KCNH7: variants seen among roughly 807,000 people sequenced by gnomAD.
KCNH7 encodes the protein voltage-gated inwardly rectifying potassium channel KCNH7.
In KCNH7, 49 loss-of-function variants were observed where a neutral mutation model predicts 120.8. The ratio of observed to expected loss-of-function variants is 0.41; its 90% CI spans 0.32 to 0.51. The LOEUF (loss-of-function observed/expected upper bound fraction) is 0.51. Ranked by LOEUF, KCNH7 falls within the 20% of genes least tolerant of loss-of-function variation. KCNH7 has a pLI of 0.38. For missense variants in KCNH7, 1,097 were observed against 1,446.6 expected (o/e 0.76, Z 3.92); for synonymous variants, 547 against 516.1 (o/e 1.06, Z -0.81).
intron 2 of KCNH7, among the ~76,000 whole-genome samples, chr2:162,765,168 G>A (rs1002381510): frequency 6.6e-6 from 1 of 151,898 alleles, no homozygotes; most frequent in Non-Finnish European, 1.5e-5. Flanking sequence ...GGAACAAGGT[G>A]GAAGAAAAAG....
chr2:162,616,643 T>C (rs995985526), intron 2 of KCNH7, among the ~76,000 whole-genome samples: 2 of 152,158 alleles, frequency 1.3e-5, no homozygotes, highest in African/African-American at 4.8e-5. Flanking sequence ...CCTAAACTTC[T>C]TTACACCACG....
chr2:162,837,887 C>T (rs1020750874), intron 1 of KCNH7, among the ~76,000 whole-genome samples: 2 of 152,134 alleles, frequency 1.3e-5, no homozygotes, highest in Non-Finnish European at 2.9e-5. Flanking sequence ...AGATGAGATA[C>T]TGCTTTTCCA....
intron 2 of KCNH7, among the ~76,000 whole-genome samples, chr2:162,620,353 C>T (rs10172470): frequency 0.64 from 96,832 of 151,582 alleles, 32,480 homozygotes; most frequent in African/African-American, 0.84. Flanking sequence ...GTCATCTTGG[C>T]CCAGAAATTG....
At chr2:162,804,538 C>T (rs1318206116) in intron 2 of KCNH7, among the ~76,000 whole-genome samples, 1 of 151,504 alleles carries the variant, frequency 6.6e-6, no homozygotes, top group Admixed American at 6.6e-5. Flanking sequence ...TGTATTTAAC[C>T]AAAGAGATGA....
intron 2 of KCNH7, among the ~76,000 whole-genome samples, chr2:162,678,761 T>A (rs776162807): frequency 1.3e-4 from 20 of 151,536 alleles, no homozygotes; most frequent in Non-Finnish European, 2.5e-4. Flanking sequence ...AGGAACTCTT[T>A]CAAAATTCTT....
At chr2:162,741,646 A>G (rs1053966692) in intron 2 of KCNH7, among the ~76,000 whole-genome samples, 2 of 152,088 alleles carry the variant, frequency 1.3e-5, no homozygotes, top group Admixed American at 1.3e-4. Flanking sequence ...AGCTTTTATA[A>G]TGTTTAATAT....
intron 2 of KCNH7, among the ~76,000 whole-genome samples, chr2:162,754,818 T>A (rs377568009): frequency 2.0e-5 from 3 of 152,308 alleles, no homozygotes; most frequent in African/African-American, 7.2e-5. Flanking sequence ...TATTTAGGAC[T>A]TAGCAAACTT....
chr2:162,717,372 T>C (rs1056704033), intron 2 of KCNH7, among the ~76,000 whole-genome samples: 1 of 152,110 alleles, frequency 6.6e-6, no homozygotes, highest in Non-Finnish European at 1.5e-5. Flanking sequence ...AAAGCTAGCA[T>C]GTAGATCCAA....
chr2:162,745,833 A>T (rs1250930883), intron 2 of KCNH7, among the ~76,000 whole-genome samples: 2 of 152,080 alleles, frequency 1.3e-5, no homozygotes, highest in Admixed American at 6.5e-5. Context: ...CTTTAAAAAA[A>T]ATCTTTCTGC....
At chr2:162,635,762 A>G (rs568488189) in intron 2 of KCNH7, among the ~76,000 whole-genome samples, 1 of 152,090 alleles carries the variant, frequency 6.6e-6, no homozygotes, top group Non-Finnish European at 1.5e-5. Context: ...GCGAGAGTGC[A>G]GTTCTTTGCT....
chr2:162,570,404 T>C (rs1693425901), intron 2 of KCNH7, among the ~76,000 whole-genome samples: 1 of 152,038 alleles, frequency 6.6e-6, no homozygotes, highest in African/African-American at 2.4e-5. Context: ...TCCATCCTTT[T>C]ATTTTGAGCC....
At chr2:162,454,450 A>G (rs1453917608) in intron 6 of KCNH7, among the ~76,000 whole-genome samples, 5 of 152,132 alleles carry the variant, frequency 3.3e-5, no homozygotes, top group Admixed American at 2.0e-4. Context: ...TTTTGATTCC[A>G]TATGAAATTT....
At chr2:162,474,659 C>T (rs927617995) in intron 6 of KCNH7, among the ~76,000 whole-genome samples, 5 of 152,248 alleles carry the variant, frequency 3.3e-5, no homozygotes, top group Non-Finnish European at 7.3e-5. Context: ...TGTGCACTCT[C>T]ATACTCTCTC....
chr2:162,647,479 T>TC (rs943230276), intron 2 of KCNH7, among the ~76,000 whole-genome samples: 3 of 152,162 alleles, frequency 2.0e-5, no homozygotes, highest in Non-Finnish European at 4.4e-5. Flanking sequence ...GTTGGCTGTG[T>TC]CCCCAACCAA....
chr2:162,550,485 G>A (rs1692632021), intron 2 of KCNH7, among the ~76,000 whole-genome samples: 1 of 152,084 alleles, frequency 6.6e-6, no homozygotes, highest in African/African-American at 2.4e-5. Flanking sequence ...TGCAGTGGTT[G>A]GTTTCATCTT....
At chr2:162,812,266 A>G (rs1375734685) in intron 2 of KCNH7, among the ~76,000 whole-genome samples, 2 of 152,140 alleles carry the variant, frequency 1.3e-5, no homozygotes, top group African/African-American at 4.8e-5. Flanking sequence ...AAAGTGACAC[A>G]GTGAAAAAAC....
intron 2 of KCNH7, among the ~76,000 whole-genome samples, chr2:162,683,942 A>AGT: frequency 6.6e-6 from 1 of 152,078 alleles, no homozygotes; most frequent in African/African-American, 2.4e-5. Flanking sequence ...CTGACTTCTA[A>AGT]CTATAGTACT....
rs1009550732 is a variant in KCNH7 at position 162,735,894 on chromosome 2, C to T, written c.307+100643G>A. 1.8e-4 allele frequency among the ~76,000 whole-genome samples: 27 copies of T among 152,288 alleles called. 1 individual carries two copies. Among genetic ancestry groups the T allele is most frequent in the African/African-American group, 6.3e-4 (26 of 41,556 alleles). ...GTGACAATTTTACACACATAATATGCTCCTTGAGAAGGGCTTAGAGTTAGC... is the reference window on the plus strand; with the variant it reads ...GTGACAATTTTACACACATAATATGTTCCTTGAGAAGGGCTTAGAGTTAGC... On this transcript the variant is annotated intron_variant, in intron 2 of 15. Transcript: ENST00000332142.
Position 162,551,781 on chromosome 2 carries a change from T to C in KCNH7, c.308-14701A>G, listed in dbSNP as rs140495675. Among the ~76,000 whole-genome samples the C allele has an allele frequency of 6.8e-4, 103 of 152,286 alleles. 1 individual carries two copies. Among genetic ancestry groups the C allele is most frequent in the Non-Finnish European group, 1.3e-3 (90 of 68,006 alleles). On this transcript the variant is annotated intron_variant, in intron 2 of 15. Transcript: ENST00000332142. ...GTGGGTGCCCCAAGTATGTAACTTA[T>C]TATTTTAATGATCCATGTGTGGGTC...
Sources: gnomAD v4.1 joint callset for allele counts (sites outside exome capture counted in the v4.1 genomes callset) on GRCh38, gnomAD v4.1.1 for gene constraint, MANE v1.5 for transcripts, NCBI Gene and HGNC (gene_info 2026-07-23, HGNC 2026-07-21) for gene names.